The following PHF11 variants were observed in gnomAD, a reference collection of about 807,000 sequenced individuals.
PHF11 encodes the protein PHD finger protein 11, also known as BRCA1 C-terminus-associated protein.
In PHF11, 38 loss-of-function variants were observed where a neutral mutation model predicts 40.5. The observed-to-expected ratio is 0.94, with a 90% CI of 0.72 to 1.23. The LOEUF is 1.23. Among genes scored for constraint, PHF11 ranks in the 50% most tolerant of loss-of-function variants. The pLI is 0.00. For synonymous variants in PHF11, 127 were observed against 138.2 expected, an observed-to-expected ratio of 0.92 and a Z score of 0.57; for missense variants, 369 against 392.4, an observed-to-expected ratio of 0.94 and a Z score of 0.50.
At chr13:49,508,130 A>G (rs1488187786) in intron 2 of PHF11, among the ~76,000 whole-genome samples, 1 of 145,942 alleles carries the variant, frequency 6.9e-6, no homozygotes, top group Non-Finnish European at 1.5e-5. Context: ...AAACCTGTTA[A>G]TGGATGGGAA....
At chr13:49,520,002 T>C (rs987966312) in intron 4 of PHF11, among the ~76,000 whole-genome samples, 13 of 152,090 alleles carry the variant, frequency 8.5e-5, no homozygotes, top group Admixed American at 8.5e-4. Context: ...GAGGAAAGGT[T>C]AGAAAGTGGC....
chr13:49,497,623 G>A (rs1958835091), intron 1 of PHF11, among the ~76,000 whole-genome samples: 1 of 152,224 alleles, frequency 6.6e-6, no homozygotes, highest in Non-Finnish European at 1.5e-5. Context: ...AATACAGGCA[G>A]GCCTGCAGAG....
chr13:49,498,996 C>T (rs1958864003), intron 1 of PHF11, among the ~76,000 whole-genome samples: 1 of 152,140 alleles, frequency 6.6e-6, no homozygotes, highest in Non-Finnish European at 1.5e-5. Context: ...ACTCACAGAC[C>T]CCCAGAGCAT....
At chr13:49,508,143 A>C (rs990109277) in intron 2 of PHF11, among the ~76,000 whole-genome samples, 48 of 147,900 alleles carry the variant, frequency 3.2e-4, no homozygotes, top group African/African-American at 1.2e-3. Flanking sequence ...GATGGGAAAA[A>C]GATGCATTCA....
Position 49,524,066 on chromosome 13 carries a change from A to C in PHF11, c.638-19A>C. 8.8e-6 allele frequency: 14 copies of C among 1,595,996 alleles called. No individual in the cohort carries two copies. Among genetic ancestry groups the C allele is most frequent in the Non-Finnish European group, 1.2e-5 (14 of 1,170,904 alleles). On this transcript the variant is annotated intron_variant, in intron 7 of 9. Transcript: ENST00000378319. Reference sequence around the variant, plus strand: ...TGCCCTAAGACTATTTCCTTCTCAAATGTTTGTCTTATTCTTAGATGCAAC... The same window carrying C: ...TGCCCTAAGACTATTTCCTTCTCAACTGTTTGTCTTATTCTTAGATGCAAC...
chr13:49,517,631 C>T (rs1411702642), intron 3 of PHF11, among the ~76,000 whole-genome samples: 2 of 152,210 alleles, frequency 1.3e-5, no homozygotes, highest in East Asian at 1.9e-4. Flanking sequence ...GCACAGCCAG[C>T]GACCAATCTC....
In PHF11 at chr13:49,522,088, T is replaced by C; in HGVS notation, c.551T>C (p.Leu184Pro). Residue 184 changes from leucine (L) to proline (P), a missense_variant, in exon 6 of 10, where the codon CTC (leucine) becomes CCC (proline). Leu to Pro is a moderately conservative substitution (Grantham distance 98, BLOSUM62 -3). Transcript: ENST00000378319. ...VKRKRGRKKP[L>P]SGNHVQPPET... Reference sequence around the variant, plus strand: ...AGAAAAAGAGGAAGGAAGAAACCCCTCTCAGGCAATCATGTACAGGTAATT... The same window carrying C: ...AGAAAAAGAGGAAGGAAGAAACCCCCCTCAGGCAATCATGTACAGGTAATT... 1 of 1,555,828 alleles carries C rather than the reference T, an allele frequency of 6.4e-7. No individual in the cohort carries two copies. The highest frequency in any genetic ancestry group is 8.9e-7 in the Non-Finnish European group (1 of 1,128,330).
chr13:49,506,892 G>GC, intron 2 of PHF11, 136 bp downstream of exon 2: 1 of 325,154 alleles, frequency 3.1e-6, no homozygotes, highest in South Asian at 5.6e-5. Flanking sequence ...AGATTGGGGA[G>GC]CATTTCTTTT....
chr13:49,511,274 T>G (rs1277675480), intron 2 of PHF11, among the ~76,000 whole-genome samples: 1 of 151,824 alleles, frequency 6.6e-6, no homozygotes, highest in Non-Finnish European at 1.5e-5. Flanking sequence ...CATCTGTATA[T>G]GAGTCTTTGT....
chr13:49,522,469 G>A (rs867536524), intron 6 of PHF11, among the ~76,000 whole-genome samples: 13 of 152,140 alleles, frequency 8.5e-5, no homozygotes, highest in African/African-American at 2.2e-4. Flanking sequence ...CAGTTAAAAC[G>A]GGCAGAGGGT....
chr13:49,520,870 AT>A lies in PHF11; in HGVS notation c.459-22del, dbSNP rs753461012. 944 of 1,476,004 alleles carry A rather than the reference AT, an allele frequency of 6.4e-4. 3 individuals are homozygous for A. The highest frequency in any genetic ancestry group is 8.4e-4 in the Non-Finnish European group (898 of 1,072,996). 91.4% of individuals were successfully genotyped at this position (1,476,004 alleles called of 1,614,324 possible). ...AACCTGTAAATAAAAATATTTTACA[AT>A]TCTTTGAAATTAAATATTTCAGACT... On this transcript the variant is annotated intron_variant, in intron 4 of 9. Transcript: ENST00000378319.
chr13:49,523,622 G>C (rs1959202846), intron 7 of PHF11: 1 of 252,706 alleles, frequency 4.0e-6, no homozygotes, highest in Non-Finnish European at 7.5e-6. Context: ...AGAAGTGACA[G>C]GGGCTGTTAT....
intron 2 of PHF11, among the ~76,000 whole-genome samples, chr13:49,510,235 A>G (rs906783409): frequency 6.6e-6 from 1 of 152,112 alleles, no homozygotes; most frequent in Non-Finnish European, 1.5e-5. Flanking sequence ...CATGTTGCCC[A>G]GGTTGGTATC....
chr13:49,509,767 CCCTTA>C (rs1959058982), intron 2 of PHF11, among the ~76,000 whole-genome samples: 1 of 152,120 alleles, frequency 6.6e-6, no homozygotes, highest in East Asian at 1.9e-4. Context: ...ACTTTGCTCC[CCCTTA>C]CCTTCTTCCG....
intron 9 of PHF11, among the ~76,000 whole-genome samples, chr13:49,527,579 G>A (rs1189102153): frequency 6.6e-6 from 1 of 152,170 alleles, no homozygotes; most frequent in African/African-American, 2.4e-5. Flanking sequence ...CAAAAAGAGT[G>A]TCTGTCTTAA....
chr13:49,506,031 G>T (rs776670440), intron 1 of PHF11, among the ~76,000 whole-genome samples: 1 of 152,104 alleles, frequency 6.6e-6, no homozygotes, highest in Admixed American at 6.6e-5. Context: ...TTGAGAGCTT[G>T]CTATGGGCAA....
rs942477568 is a variant in PHF11, at chr13:49,506,624, A to G, written c.95-11A>G. 49 of 1,612,830 alleles carry G rather than the reference A, an allele frequency of 3.0e-5. 1 individual carries two copies. In the East Asian group the frequency reaches 1.1e-3, roughly 35 times the overall value. On this transcript the variant is annotated splice_polypyrimidine_tract_variant and intron_variant, in intron 1 of 9. Coordinates refer to ENST00000378319, the MANE Select transcript of PHF11 (RefSeq NM_001040443.3). Reference sequence around the variant, plus strand: ...CACTTTTCCATTTCTCACCAGGGATATTACTTATAGGTGTCTTTCAGGTTG... The same window carrying G: ...CACTTTTCCATTTCTCACCAGGGATGTTACTTATAGGTGTCTTTCAGGTTG...
At chr13:49,526,921 T>C (rs1959320793) in intron 9 of PHF11, among the ~76,000 whole-genome samples, 1 of 152,172 alleles carries the variant, frequency 6.6e-6, no homozygotes, top group Non-Finnish European at 1.5e-5. Context: ...GGCGAGGCTA[T>C]GATAAACCAT....
At chr13:49,519,127 G>A (rs1320634722) in intron 4 of PHF11, among the ~76,000 whole-genome samples, 1 of 152,136 alleles carries the variant, frequency 6.6e-6, no homozygotes, top group Non-Finnish European at 1.5e-5. Context: ...GAGCCACCGC[G>A]CCCGGGCTAA....
Sources: gnomAD v4.1 joint callset for allele counts (sites outside exome capture counted in the v4.1 genomes callset) on GRCh38, gnomAD v4.1.1 for gene constraint, MANE v1.5 for transcripts, NCBI Gene and HGNC (gene_info 2026-07-23, HGNC 2026-07-21) for gene names.